Variants in SEPTIN3 observed in about 807,000 individuals in gnomAD.
SEPTIN3 encodes the protein septin 3.
In SEPTIN3, 15 loss-of-function variants were observed where a neutral mutation model predicts 45.1. That is an observed-to-expected ratio of 0.33 (90% CI 0.22 to 0.51). SEPTIN3 has a LOEUF of 0.51. Ranked by LOEUF, SEPTIN3 falls within the 20% of genes least tolerant of loss-of-function variation. SEPTIN3 has a pLI of 0.97. For synonymous variants in SEPTIN3, 148 were observed against 164.8 expected, an observed-to-expected ratio of 0.90 and a Z score of 0.78; for missense variants, 289 against 457.2, an observed-to-expected ratio of 0.63 and a Z score of 3.35.
intron 1 of SEPTIN3, 141 bp from the exon 2 acceptor site, chr22:41,971,333 C>T (rs2077956346): frequency 2.5e-6 from 1 of 397,350 alleles, no homozygotes. Flanking sequence ...ATGCATCCTC[C>T]ACTAAGGACT....
chr22:41,998,211 T>C lies in SEPTIN3; in HGVS notation c.*1244T>C, dbSNP rs1921108366. ...GTGTTGTACAACTAAACATTGCTGT[T>C]TGAACAGTAACTGCCTGGCCTGTCT... On this transcript the variant is annotated 3_prime_UTR_variant, in exon 12 of 12. Transcript: ENST00000644076. The C allele has an allele frequency of 6.5e-6, 1 of 152,742 alleles. No homozygotes were observed. The highest frequency in any genetic ancestry group is 1.5e-5 in the Non-Finnish European group (1 of 68,078). 9.5% of individuals were successfully genotyped at this position (152,742 alleles called of 1,614,324 possible).
intron 4 of SEPTIN3, 104 bp downstream of exon 4, chr22:41,986,216 C>T: frequency 7.1e-7 from 1 of 1,403,430 alleles, no homozygotes; most frequent in Non-Finnish European, 9.7e-7. Flanking sequence ...TAAAAGGCAA[C>T]CTTAAGACAA....
rs1376059260 is a variant in SEPTIN3, at chr22:41,976,955, CGAGG to C, written c.1504+3960_1504+3963del. 2.2e-5 allele frequency: 24 copies of C among 1,082,190 alleles called. No homozygotes were observed. The highest frequency in any genetic ancestry group is 3.3e-5 in the African/African-American group (2 of 60,064). The allele number at this position is 1,082,190 out of a possible 1,614,324, so 67.0% of individuals were successfully genotyped here. On this transcript the variant is annotated intron_variant, in intron 2 of 11. Transcript: ENST00000644076. The surrounding 1 kb of genome is among the most constrained non-coding windows in gnomAD (Gnocchi z 5.8). The stretch of plus-strand genomic sequence containing the variant: ...CGGGTGGGAGGAGAGCGCGAAGGGG[CGAGG>C]CCCGTTTGCAGGGGCCGCTCGGCCC...
In SEPTIN3 at chr22:41,972,154, C is replaced by G; in HGVS notation, c.662C>G (p.Thr221Ser). ...SLGQGHLVSV[T>S]DHMPTRASPG... Reference sequence around the variant, plus strand: ...GGCCAGGGGCACCTTGTCTCAGTGACTGACCACATGCCTACCAGAGCTTCT... The same window carrying G: ...GGCCAGGGGCACCTTGTCTCAGTGAGTGACCACATGCCTACCAGAGCTTCT... The change falls in exon 2 of 12, where the codon ACT (threonine) becomes AGT (serine). Residue 221 changes from threonine to serine, a missense_variant. Transcript: ENST00000644076. 2 of 399,202 alleles carry G rather than the reference C, an allele frequency of 5.0e-6. No homozygotes were observed. The highest frequency in any genetic ancestry group is 8.8e-6 in the Non-Finnish European group (2 of 226,174). The allele number at this position is 399,202 out of a possible 1,614,324, so 24.7% of individuals were successfully genotyped here.
At position 41,976,638 on chromosome 22, in the gene SEPTIN3, C is replaced by A. The variant is rs1449698130; in HGVS notation, c.1504+3642C>A. 6.6e-6 allele frequency: 1 copy of A among 152,254 alleles called. No homozygotes were observed. Among genetic ancestry groups the A allele is most frequent in the Non-Finnish European group, 1.5e-5 (1 of 68,008 alleles). The allele number at this position is 152,254 out of a possible 1,614,324, so 9.4% of individuals were successfully genotyped here. On this transcript the variant is annotated intron_variant, in intron 2 of 11. Coordinates refer to ENST00000644076, the MANE Select transcript of SEPTIN3 (RefSeq NM_001363845.2). The surrounding 1 kb of genome is among the most constrained non-coding windows in gnomAD (Gnocchi z 5.8). ...AGAGACGGGACTGGGATGCAGGCAC[C>A]TTTCCGGGCCTGGCACCTGGAGCCC...
chr22:41,976,009 C>T lies in SEPTIN3; in HGVS notation c.1504+3013C>T, dbSNP rs954433914. Among the ~76,000 whole-genome samples the T allele has an allele frequency of 6.6e-6, 1 of 152,206 alleles. No homozygotes were observed. Among genetic ancestry groups the T allele is most frequent in the Non-Finnish European group, 1.5e-5 (1 of 68,048 alleles). On this transcript the variant is annotated intron_variant, in intron 2 of 11. Coordinates refer to ENST00000644076, the MANE Select transcript of SEPTIN3 (RefSeq NM_001363845.2). The surrounding 1 kb of genome is among the most constrained non-coding windows in gnomAD (Gnocchi z 5.8). ...CTGTCTGGAATTTTCTCTGCTTCAG[C>T]GACACCAAGGACTCTGGGCTGTCCA...
chr22:41,981,720 T>C lies in SEPTIN3; in HGVS notation c.1580T>C (p.Met527Thr). The change falls in exon 3 of 12, where the codon ATG (methionine) becomes ACG (threonine). Residue 527 changes from methionine (M) to threonine (T), a missense_variant. This residue lies in a region of SEPTIN3 where 200 missense variants were observed against 315.1 expected (regional missense o/e 0.63). Coordinates refer to ENST00000644076, the MANE Select transcript of SEPTIN3 (RefSeq NM_001363845.2). ...CCCAGGCCTAAGCCAGCGGTGCCCA[T>C]GAAGCCCATGAGCATCAACTCCAAC... ...PEPRPKPAVP[M>T]KPMSINSNLL... The C allele has an allele frequency of 3.1e-6, 5 of 1,613,970 alleles. No individual in the cohort carries two copies. Among genetic ancestry groups the C allele is most frequent in the Non-Finnish European group, 4.2e-6 (5 of 1,179,972 alleles).
chr22:41,996,805 CT>C (rs2078449183), intron 11 of SEPTIN3, 96 bp from the exon 12 acceptor site: 1 of 1,572,804 alleles, frequency 6.4e-7, no homozygotes, highest in African/African-American at 1.3e-5. Flanking sequence ...CCTGGCACCC[CT>C]GAACCATGAT....
chr22:41,976,966 T>C lies in SEPTIN3; in HGVS notation c.1504+3970T>C, dbSNP rs1450408842. The C allele has an allele frequency of 7.7e-7, 1 of 1,299,988 alleles. No homozygotes were observed. The highest frequency in any genetic ancestry group is 1.0e-6 in the Non-Finnish European group (1 of 964,462). The allele number at this position is 1,299,988 out of a possible 1,614,324, so 80.5% of individuals were successfully genotyped here. ...AGAGCGCGAAGGGGCGAGGCCCGTT[T>C]GCAGGGGCCGCTCGGCCCGGGGAAG... On this transcript the variant is annotated intron_variant, in intron 2 of 11. Coordinates refer to ENST00000644076, the MANE Select transcript of SEPTIN3 (RefSeq NM_001363845.2). This position sits in a 1 kb window ranked among gnomAD's most constrained non-coding sequence, Gnocchi z 5.8.
chr22:41,995,265 G>A (rs992436185), intron 11 of SEPTIN3: 1 of 991,488 alleles, frequency 1.0e-6, no homozygotes, highest in African/African-American at 1.7e-5. Flanking sequence ...GGGTGGTCTG[G>A]GGGTAAGGCT....
intron 1 of SEPTIN3, among the ~76,000 whole-genome samples, chr22:41,970,713 C>T (rs1007790788): frequency 2.0e-5 from 3 of 152,176 alleles, no homozygotes; most frequent in Non-Finnish European, 1.5e-5. Flanking sequence ...TCAGGTCTAG[C>T]CTCCCGCCTT....
Position 41,996,970 on chromosome 22 carries a change from G to C in SEPTIN3, c.*3G>C, listed in dbSNP as rs772960456. On this transcript the variant is annotated 3_prime_UTR_variant, in exon 12 of 12. Transcript: ENST00000644076. The stretch of plus-strand genomic sequence containing the variant: ...CCCCCTGCCCCACTGCTGAATGAAG[G>C]CCATTTCAAGCGCTGCTTCTCACTC... The C allele has an allele frequency of 1.2e-6, 2 of 1,613,914 alleles. No individual in the cohort carries two copies. The highest frequency in any genetic ancestry group is 1.7e-6 in the Non-Finnish European group (2 of 1,179,870).
At chr22:41,995,204 C>A in intron 11 of SEPTIN3, 4 of 1,011,822 alleles carry the variant, frequency 4.0e-6, no homozygotes, top group East Asian at 9.3e-5. Context: ...GGCAGTGGAG[C>A]TAGACCTGAG....
At chr22:41,984,690 G>T (rs186073602) in intron 3 of SEPTIN3, among the ~76,000 whole-genome samples, 1 of 151,320 alleles carries the variant, frequency 6.6e-6, no homozygotes, top group Non-Finnish European at 1.5e-5. Flanking sequence ...CACCATGCCC[G>T]GCTAATTTTT....
chr22:41,990,174 A>G (rs556114825), intron 7 of SEPTIN3, among the ~76,000 whole-genome samples: 13 of 151,706 alleles, frequency 8.6e-5, no homozygotes, highest in South Asian at 6.3e-4. Context: ...CTGAGTAGCT[A>G]GGACTACAGG....
intron 1 of SEPTIN3, among the ~76,000 whole-genome samples, chr22:41,970,528 C>T (rs948506518): frequency 2.0e-5 from 3 of 152,174 alleles, no homozygotes; most frequent in African/African-American, 7.2e-5. Context: ...ACCTACAGAT[C>T]GGAATGGGTC....
intron 3 of SEPTIN3, among the ~76,000 whole-genome samples, chr22:41,982,929 C>A (rs1851065600): frequency 6.6e-6 from 1 of 151,830 alleles, no homozygotes; most frequent in South Asian, 2.1e-4. Context: ...TAGGAAGGGA[C>A]CTTTGCCCCG....
At chr22:41,979,984 G>A (rs1158496390) in intron 2 of SEPTIN3, among the ~76,000 whole-genome samples, 2 of 152,130 alleles carry the variant, frequency 1.3e-5, no homozygotes, top group African/African-American at 4.8e-5. Context: ...AAGAGCACAT[G>A]GAGTCCAACA....
chr22:41,993,694 G>A (rs739295), intron 9 of SEPTIN3, among the ~76,000 whole-genome samples: 117,360 of 151,668 alleles, frequency 0.77, 45,563 homozygotes, highest in East Asian at 0.9. Flanking sequence ...GGGTCTCACT[G>A]TGTTACCCAG....
Sources: gnomAD v4.1 joint callset for allele counts (sites outside exome capture counted in the v4.1 genomes callset) on GRCh38, gnomAD v4.1.1 for gene constraint, gnomAD v4.1.1 regional missense constraint, Gnocchi (gnomAD v3.1) non-coding constraint, MANE v1.5 for transcripts, NCBI Gene and HGNC (gene_info 2026-07-23, HGNC 2026-07-21) for gene names.